The following MCM4 variants were observed in gnomAD, a reference collection of about 807,000 sequenced individuals.
MCM4 encodes the protein DNA replication licensing factor MCM4.
MCM4 carries 60 observed loss-of-function variants against 88.7 expected under a neutral mutation model. The observed-to-expected ratio is 0.68, with a 90% CI of 0.55 to 0.84. The LOEUF (loss-of-function observed/expected upper bound fraction) is 0.84, where lower values mean the gene tolerates loss of function less well. Ranked by LOEUF, MCM4 falls within the 40% of genes least tolerant of loss-of-function variation. The pLI, the probability that MCM4 is intolerant of heterozygous loss-of-function variation, is 0.00. For missense variants in MCM4, 1,149 were observed against 1,105.5 expected, an observed-to-expected ratio of 1.04 and a Z score of -0.56; for synonymous variants, 465 against 410.5, an observed-to-expected ratio of 1.13 and a Z score of -1.61.
In MCM4 at chr8:47,961,227, A is replaced by G; in HGVS notation, c.70+13A>G. ...CCCGCCCAGACGCGTGAGTCCCCCGAGCCGGGCCCACTACAGCCCCCGGCG... is the reference window on the plus strand; with the variant it reads ...CCCGCCCAGACGCGTGAGTCCCCCGGGCCGGGCCCACTACAGCCCCCGGCG... On this transcript the variant is annotated intron_variant, in intron 2 of 16. Coordinates refer to ENST00000649973, the MANE Select transcript of MCM4 (RefSeq NM_182746.3). 6.7e-7 allele frequency: 1 copy of G among 1,495,776 alleles called. No individual in the cohort carries two copies. Among genetic ancestry groups the G allele is most frequent in the Non-Finnish European group, 8.8e-7 (1 of 1,130,392 alleles). 92.7% of individuals were successfully genotyped at this position (1,495,776 alleles called of 1,614,324 possible). A position where few individuals can be genotyped will look rare whatever the true frequency, so the allele number is the denominator to read the frequency against.
rs781271560 is a variant in MCM4, at chr8:47,974,960, C to T, written c.2363C>T (p.Thr788Met). Residue 788 changes from threonine (T) to methionine (M), a missense_variant and splice_region_variant, in exon 15 of 17, where the codon ACG becomes ATG. Around this residue, in one of 3 missense-constraint regions of MCM4, gnomAD observed 238 missense variants for 241.6 expected, o/e 0.99. Transcript: ENST00000649973. The stretch of plus-strand genomic sequence containing the variant: ...ATCGTGGACATATCTATTCTTACTA[C>T]GGGTTCGTTATTTTCAGTGAACAGA... ...TGIVDISILT[T>M]GMSATSRKRK... 8.1e-6 allele frequency: 13 copies of T among 1,606,068 alleles called. No homozygotes were observed. Among genetic ancestry groups the T allele is most frequent in the African/African-American group, 4.0e-5 (3 of 74,674 alleles).
At position 47,974,934 on chromosome 8, in the gene MCM4, C is replaced by T. The variant is rs1478093138; in HGVS notation, c.2337C>T (p.Gly779=). 6.2e-7 allele frequency: 1 copy of T among 1,614,014 alleles called. No individual in the cohort carries two copies. Among genetic ancestry groups the T allele is most frequent in the Non-Finnish European group, 8.5e-7 (1 of 1,179,998 alleles). The change falls in exon 15 of 17, where the codon GGC becomes GGT. Residue 779 remains glycine, a synonymous_variant. Transcript: ENST00000649973. Reference sequence around the variant, plus strand: ...AGTCTGCAACTGATCCCCGGACTGGCATCGTGGACATATCTATTCTTACTA... The same window carrying T: ...AGTCTGCAACTGATCCCCGGACTGGTATCGTGGACATATCTATTCTTACTA... ...LKQSATDPRT[G]IVDISILTTG... is the part of the protein sequence containing the mutation.
chr8:47,970,674 C>T lies in MCM4; in HGVS notation c.1598C>T (p.Thr533Met), dbSNP rs140970953. 148 of 1,614,046 alleles carry T rather than the reference C, an allele frequency of 9.2e-5. No homozygotes were observed. In the Middle Eastern group the frequency reaches 1.6e-3, roughly 18 times the overall value. The change falls in exon 12 of 17, where the codon ACG becomes ATG. Residue 533 changes from threonine to methionine, a missense_variant. Coordinates refer to ENST00000649973, the MANE Select transcript of MCM4 (RefSeq NM_182746.3). ...VYNLVPRGQY[T>M]SGKGSSAVGL... ...AACCTCGTCCCCAGGGGCCAGTACA[C>T]GTCTGGGAAGGGCTCCAGTGCAGTT...
chr8:47,966,994 C>T (rs1181605522), intron 9 of MCM4, among the ~76,000 whole-genome samples: 2 of 152,212 alleles, frequency 1.3e-5, no homozygotes, highest in African/African-American at 4.8e-5. Flanking sequence ...CACCCTGCTC[C>T]GCAGGAGCAC....
At chr8:47,961,260 G>A (rs1301806810) in intron 2 of MCM4, 46 bp downstream of exon 2, 9 of 1,442,934 alleles carry the variant, frequency 6.2e-6, no homozygotes, top group Non-Finnish European at 8.1e-6. Context: ...GCGCCGCCCC[G>A]TCTGCCCTCT....
rs769093390 is a variant in MCM4 at position 47,961,205 on chromosome 8, G to A, written c.61G>A (p.Ala21Thr). ...CAGCCGGCGTGGAAGGGCCACCCCCGCCCAGACGCGTGAGTCCCCCGAGCC... is the reference window on the plus strand; with the variant it reads ...CAGCCGGCGTGGAAGGGCCACCCCCACCCAGACGCGTGAGTCCCCCGAGCC... ...RGSRRGRATPAQTPRSEDARS... is the reference protein window; with the variant it reads ...RGSRRGRATPTQTPRSEDARS... Residue 21 changes from alanine (A) to threonine (T), a missense_variant, in exon 2 of 17, where the codon GCC (alanine) becomes ACC (threonine). Ala to Thr is a moderately conservative substitution (Grantham distance 58). Coordinates refer to ENST00000649973, the MANE Select transcript of MCM4 (RefSeq NM_182746.3). The A allele has an allele frequency of 2.8e-5, 43 of 1,520,654 alleles. No individual in the cohort carries two copies. Among genetic ancestry groups the A allele is most frequent in the Non-Finnish European group, 3.8e-5 (43 of 1,142,602 alleles). The allele number at this position is 1,520,654 out of a possible 1,614,324, so 94.2% of individuals were successfully genotyped here.
intron 7 of MCM4, 146 bp downstream of exon 7, chr8:47,963,186 C>G (rs990205155): frequency 5.2e-6 from 3 of 577,678 alleles, no homozygotes; most frequent in African/African-American, 3.8e-5. Context: ...GGTGTGGTGG[C>G]TCACACCTAT....
rs764121286 is a variant in MCM4 at position 47,969,991 on chromosome 8, A to G, written c.1368A>G (p.Pro456=). The G allele has an allele frequency of 3.4e-5, 55 of 1,614,156 alleles. No individual in the cohort carries two copies. In the Admixed American group the frequency reaches 8.3e-4, roughly 24 times the overall value. Residue 456 remains proline (P), a synonymous_variant, in exon 11 of 17, where the codon CCA becomes CCG. Coordinates refer to ENST00000649973, the MANE Select transcript of MCM4 (RefSeq NM_182746.3). The part of the protein sequence containing the change: ...VELLKELSRK[P]DIYERLASAL... ...TGCTTAAGGAACTTTCCAGGAAACC[A>G]GACATTTATGAGAGGCTTGCTTCAG...
chr8:47,968,560 A>G lies in MCM4; in HGVS notation c.1174+1075A>G, dbSNP rs989821189. On this transcript the variant is annotated intron_variant, in intron 10 of 16. Coordinates refer to ENST00000649973, the MANE Select transcript of MCM4 (RefSeq NM_182746.3). Reference sequence around the variant, plus strand: ...GTGGAAAGTGCTGTGTAGATGTGAAATAAGTATCAATGCTGCTCTGTGAGA... The same window carrying G: ...GTGGAAAGTGCTGTGTAGATGTGAAGTAAGTATCAATGCTGCTCTGTGAGA... Among the ~76,000 whole-genome samples, 3 of 151,722 alleles carry G rather than the reference A, an allele frequency of 2.0e-5. No homozygotes were observed. The South Asian group carries it at 6.2e-4, about 32-fold the overall frequency.
In MCM4 at chr8:47,976,961, G is replaced by A. The variant is rs1315806123; in HGVS notation, c.*183G>A. On this transcript the variant is annotated 3_prime_UTR_variant, in exon 17 of 17. Coordinates refer to ENST00000649973, the MANE Select transcript of MCM4 (RefSeq NM_182746.3). ...AAGTATCTGTTTTCATTTTTTTCAC[G>A]TTATAAATAAAAATACTATGCTGGC... The A allele has an allele frequency of 1.0e-5, 5 of 496,316 alleles. No homozygotes were observed. The highest frequency in any genetic ancestry group is 5.9e-5 in the African/African-American group (3 of 51,060). The allele number at this position is 496,316 out of a possible 1,614,324, so 30.7% of individuals were successfully genotyped here.
chr8:47,975,653 G>A, intron 15 of MCM4, 62 bp from the exon 16 acceptor site: 1 of 1,319,620 alleles, frequency 7.6e-7, no homozygotes, highest in Non-Finnish European at 1.0e-6. Flanking sequence ...ATATTTTTGA[G>A]AATTTGAAGC....
chr8:47,961,058 G>C, intron 1 of MCM4, 44 bp downstream of exon 1: 1 of 1,388,792 alleles, frequency 7.2e-7, no homozygotes, highest in South Asian at 1.4e-5. Context: ...GAGCCGACGG[G>C]AACGTCCGCG....
chr8:47,975,989 A>G (rs1037685417), intron 16 of MCM4, 141 bp downstream of exon 16: 69 of 699,968 alleles, frequency 9.9e-5, no homozygotes, highest in Non-Finnish European at 1.3e-4. Flanking sequence ...AGCCATCATC[A>G]AGAAATAATC....
chr8:47,967,343 T>C (rs377563886), intron 9 of MCM4, 22 bp from the exon 10 acceptor site: 66 of 1,613,832 alleles, frequency 4.1e-5, no homozygotes, highest in African/African-American at 6.7e-5. Flanking sequence ...GGCCCACATG[T>C]TCTCTGTTTG....
chr8:47,962,794 G>A lies in MCM4; in HGVS notation c.532G>A (p.Ala178Thr). 1 of 1,609,720 alleles carries A rather than the reference G, an allele frequency of 6.2e-7. No homozygotes were observed. The highest frequency in any genetic ancestry group is 8.5e-7 in the Non-Finnish European group (1 of 1,178,842). Reference sequence around the variant, plus strand: ...TCTTCAGCGTTTTATTGACCCTCTGGCTAAAGAAGAAGAAAATGTTGGCAT... The same window carrying A: ...TCTTCAGCGTTTTATTGACCCTCTGACTAAAGAAGAAGAAAATGTTGGCAT... ...RFLQRFIDPL[A>T]KEEENVGIDI... The change falls in exon 6 of 17, where the codon GCT becomes ACT. Residue 178 changes from alanine to threonine, a missense_variant. Physicochemically the swap from Ala to Thr is moderately conservative, Grantham distance 58. Transcript: ENST00000649973.
rs770754729 is a variant in MCM4 at position 47,966,251 on chromosome 8, G to T, written c.897G>T (p.Met299Ile). ...VIRTSQLIPEMQEAFFQCQVC... is the reference protein window; with the variant it reads ...VIRTSQLIPEIQEAFFQCQVC... ...GGACATCCCAGCTGATTCCCGAGATGCAGGAGGCCTTCTTCCAGTGCCAAG... is the reference window on the plus strand; with the variant it reads ...GGACATCCCAGCTGATTCCCGAGATTCAGGAGGCCTTCTTCCAGTGCCAAG... The change falls in exon 9 of 17, where the codon ATG becomes ATT. Residue 299 changes from methionine to isoleucine, a missense_variant. By Grantham distance (10) the Met-to-Ile change is conservative (BLOSUM62 1). Around this residue, in one of 3 missense-constraint regions of MCM4, gnomAD observed 906 missense variants for 843.0 expected, o/e 1.07. Coordinates refer to ENST00000649973, the MANE Select transcript of MCM4 (RefSeq NM_182746.3). The T allele has an allele frequency of 2.5e-6, 4 of 1,614,104 alleles. No homozygotes were observed. The East Asian group carries it at 8.9e-5, about 36-fold the overall frequency.
chr8:47,970,530 T>TTGG lies in MCM4; in HGVS notation c.1455_1457dup (p.Gly487dup). On this transcript the variant is annotated inframe_insertion, in exon 12 of 17. Transcript: ENST00000649973. ...ATTTAGGGAATTTTGCTTCAGCTCTTTGGCGGGACAAGGAAGGATTTTAGT... is the reference window on the plus strand; with the variant it reads ...ATTTAGGGAATTTTGCTTCAGCTCTTTGGTGGCGGGACAAGGAAGGATTTTAGT... 1.9e-6 allele frequency: 3 copies of TTGG among 1,601,222 alleles called. No homozygotes were observed. Among genetic ancestry groups the TTGG allele is most frequent in the Non-Finnish European group, 2.6e-6 (3 of 1,169,892 alleles).
At chr8:47,967,874 A>G (rs2090914271) in intron 10 of MCM4, among the ~76,000 whole-genome samples, 1 of 152,188 alleles carries the variant, frequency 6.6e-6, no homozygotes, top group Non-Finnish European at 1.5e-5. Flanking sequence ...TTACTCACCA[A>G]TGCTGGAGTT....
chr8:47,976,368 G>T (rs1486091275), intron 16 of MCM4, among the ~76,000 whole-genome samples: 1 of 151,974 alleles, frequency 6.6e-6, no homozygotes, highest in Non-Finnish European at 1.5e-5. Context: ...TGAAATATTT[G>T]GGTGTCCTTT....
Sources: gnomAD v4.1 joint callset for allele counts (sites outside exome capture counted in the v4.1 genomes callset) on GRCh38, gnomAD v4.1.1 for gene constraint, gnomAD v4.1.1 regional missense constraint, MANE v1.5 for transcripts, NCBI Gene and HGNC (gene_info 2026-07-23, HGNC 2026-07-21) for gene names.